SLC1A1: variants seen among roughly 807,000 people sequenced by gnomAD.
SLC1A1 encodes excitatory amino acid transporter 3.
A neutral mutation model predicts 53.3 loss-of-function variants in SLC1A1; 43 were observed. That is an observed-to-expected ratio of 0.81 (90% confidence interval 0.63 to 1.04). The LOEUF (loss-of-function observed/expected upper bound fraction) is 1.04. SLC1A1 is among the 50% of genes least tolerant of loss of function. SLC1A1 has a pLI of 0.00. For missense variants in SLC1A1, 748 were observed against 664.9 expected (o/e 1.12, Z -1.37); for synonymous variants, 307 against 243.2 (o/e 1.26, Z -2.44).
chr9:4,526,263 C>T (rs1183605041), intron 1 of SLC1A1, among the ~76,000 whole-genome samples: 1 of 152,060 alleles, frequency 6.6e-6, no homozygotes, highest in Non-Finnish European at 1.5e-5. Context: ...AGAATTTAGA[C>T]ATATAGAAAA....
rs140012043 is a variant in SLC1A1, at chr9:4,505,974, C to A, written c.91+15204C>A. Among the ~76,000 whole-genome samples, 255 of 152,302 alleles carry A rather than the reference C, an allele frequency of 1.7e-3. 2 individuals carry two copies. Among genetic ancestry groups the A allele is most frequent in the African/African-American group, 5.9e-3 (244 of 41,562 alleles). ...AAGTAGCTGGGATTACAGGTGCCCA[C>A]CACCACGCCTGGCTAATTTTTGTAT... On this transcript the variant is annotated intron_variant, in intron 1 of 11. Transcript: ENST00000262352.
In SLC1A1 at chr9:4,549,245, C is replaced by A. The variant is rs373956333; in HGVS notation, c.232+4538C>A. On this transcript the variant is annotated intron_variant, in intron 2 of 11. Transcript: ENST00000262352. This position sits in a 1 kb window ranked among gnomAD's most constrained non-coding sequence, Gnocchi z 4.1. The stretch of plus-strand genomic sequence containing the variant: ...CTTCCACTTTAGCCTCTGCCACCCC[C>A]GCCTGGGCCAGAAGCACTCCAGTGG... 4.6e-5 allele frequency among the ~76,000 whole-genome samples: 7 copies of A among 152,248 alleles called. No homozygotes were observed. The highest frequency in any genetic ancestry group is 3.9e-4 in the East Asian group (2 of 5,174).
intron 6 of SLC1A1, among the ~76,000 whole-genome samples, chr9:4,571,216 C>T (rs10974630): frequency 0.23 from 35,288 of 151,922 alleles, 4,785 homozygotes; most frequent in East Asian, 0.45. Flanking sequence ...GAACAACACA[C>T]ACTGGGGCCT....
In SLC1A1 at chr9:4,498,995, TAA is replaced by T. The variant is rs1226304631; in HGVS notation, c.91+8226_91+8227del. 8.3e-5 allele frequency among the ~76,000 whole-genome samples: 12 copies of T among 144,506 alleles called. No homozygotes were observed. The South Asian group carries it at 8.5e-4, about 10-fold the overall frequency. The allele number at this position is 144,506 out of a possible 152,430, so 94.8% of individuals were successfully genotyped here. A position where few individuals can be genotyped will look rare whatever the true frequency, so the allele number is the denominator to read the frequency against. ...TATATATAATCTTATATATTATATA[TAA>T]GATTATATATTATATATATATAAGA... is the stretch of plus-strand genomic sequence containing the variant. On this transcript the variant is annotated intron_variant, in intron 1 of 11. Transcript: ENST00000262352.
At chr9:4,572,517 C>G in intron 7 of SLC1A1, 129 bp downstream of exon 7, 1 of 862,354 alleles carries the variant, frequency 1.2e-6, no homozygotes, top group Non-Finnish European at 1.9e-6. Context: ...ATTGAACCAC[C>G]AGAGTATTTT....
chr9:4,525,558 A>G (rs1395609264), intron 1 of SLC1A1, among the ~76,000 whole-genome samples: 1 of 152,170 alleles, frequency 6.6e-6, no homozygotes, highest in Non-Finnish European at 1.5e-5. Flanking sequence ...GAGATGATAG[A>G]ACAGTCTGAA....
chr9:4,536,435 T>C (rs563292965), intron 1 of SLC1A1, among the ~76,000 whole-genome samples: 1 of 152,058 alleles, frequency 6.6e-6, no homozygotes, highest in East Asian at 1.9e-4. Flanking sequence ...AACAGACACA[T>C]GAAAAAATGC....
chr9:4,561,757 A>ACT (rs1414213043), intron 3 of SLC1A1, among the ~76,000 whole-genome samples: 1 of 152,096 alleles, frequency 6.6e-6, no homozygotes, highest in Non-Finnish European at 1.5e-5. Context: ...CGGGTATGGT[A>ACT]ACATGCGCCT....
chr9:4,530,342 G>T (rs1411345155), intron 1 of SLC1A1, among the ~76,000 whole-genome samples: 1 of 152,182 alleles, frequency 6.6e-6, no homozygotes, highest in Non-Finnish European at 1.5e-5. Context: ...GCACAACTAA[G>T]TGTACTCAGT....
chr9:4,529,411 G>C (rs1041135132), intron 1 of SLC1A1, among the ~76,000 whole-genome samples: 1 of 152,048 alleles, frequency 6.6e-6, no homozygotes, highest in African/African-American at 2.4e-5. Flanking sequence ...ATTCATACTC[G>C]TCCTTTCCCA....
intron 1 of SLC1A1, among the ~76,000 whole-genome samples, chr9:4,512,274 A>G (rs1388479471): frequency 6.6e-6 from 1 of 152,172 alleles, no homozygotes; most frequent in Non-Finnish European, 1.5e-5. Flanking sequence ...GCACTTTGGG[A>G]GGCTGAGGTG....
chr9:4,496,665 T>C (rs1258997726), intron 1 of SLC1A1, among the ~76,000 whole-genome samples: 1 of 151,512 alleles, frequency 6.6e-6, no homozygotes, highest in Non-Finnish European at 1.5e-5. Flanking sequence ...GAGGTGAAGG[T>C]GGGAGGACTG....
rs374919242 is a variant in SLC1A1 at position 4,583,189 on chromosome 9, G to A, written c.1328+17G>A. 6.2e-7 allele frequency: 1 copy of A among 1,614,058 alleles called. No homozygotes were observed. Among genetic ancestry groups the A allele is most frequent in the African/African-American group, 1.3e-5 (1 of 74,940 alleles). ...CTGGCTCCTGTGAGTTGGAATAAAT[G>A]CACTGCCTTAGCTGGATGTGCAGGC... On this transcript the variant is annotated intron_variant, in intron 11 of 11. Transcript: ENST00000262352. This position sits in a 1 kb window ranked among gnomAD's most constrained non-coding sequence, Gnocchi z 4.6.
intron 1 of SLC1A1, among the ~76,000 whole-genome samples, chr9:4,543,307 A>G (rs2026828): frequency 0.65 from 98,525 of 152,062 alleles, 32,080 homozygotes; most frequent in Middle Eastern, 0.67. Context: ...TTACTTCCAA[A>G]TATCATGACA....
intron 1 of SLC1A1, among the ~76,000 whole-genome samples, chr9:4,541,977 T>C (rs1439850900): frequency 6.6e-6 from 1 of 152,298 alleles, no homozygotes; most frequent in East Asian, 1.9e-4. Context: ...ATTTTCCTCA[T>C]CCCGAATCTG....
At chr9:4,521,724 T>C (rs777828166) in intron 1 of SLC1A1, among the ~76,000 whole-genome samples, 81 of 152,256 alleles carry the variant, frequency 5.3e-4, no homozygotes, top group South Asian at 1.5e-3. Flanking sequence ...TATATCTGTA[T>C]ACTTTATGGA....
chr9:4,546,320 G>A (rs1191607756), intron 2 of SLC1A1, among the ~76,000 whole-genome samples: 4 of 152,056 alleles, frequency 2.6e-5, no homozygotes, highest in East Asian at 1.9e-4. Context: ...TGACACAGCC[G>A]CAGACCAATT....
intron 1 of SLC1A1, among the ~76,000 whole-genome samples, chr9:4,543,885 AAT>A (rs756710042): frequency 2.5e-4 from 38 of 152,236 alleles, no homozygotes; most frequent in Non-Finnish European, 8.8e-5. Context: ...TAAACTATAA[AAT>A]ATGTAAAATA....
rs552498883 is a variant in SLC1A1, at chr9:4,541,080, T to C, written c.92-3487T>C. 2.6e-5 allele frequency among the ~76,000 whole-genome samples: 4 copies of C among 152,332 alleles called. No individual in the cohort carries two copies. The South Asian group carries it at 8.3e-4, about 32-fold the overall frequency. On this transcript the variant is annotated intron_variant, in intron 1 of 11. Transcript: ENST00000262352. ...GCGCAAGAATGGTGTCCTGTGTCCATTGCTGGGGCTTTGGGGGTCCAGGTA... is the reference window on the plus strand; with the variant it reads ...GCGCAAGAATGGTGTCCTGTGTCCACTGCTGGGGCTTTGGGGGTCCAGGTA...
Sources: gnomAD v4.1 joint callset for allele counts (sites outside exome capture counted in the v4.1 genomes callset) on GRCh38, gnomAD v4.1.1 for gene constraint, Gnocchi (gnomAD v3.1) non-coding constraint, MANE v1.5 for transcripts, NCBI Gene and HGNC (gene_info 2026-07-23, HGNC 2026-07-21) for gene names.